The following ANK1 variants were observed in gnomAD, a reference collection of about 807,000 sequenced individuals.
ANK1 encodes ankyrin 1.
A neutral mutation model predicts 210.4 loss-of-function variants in ANK1; 51 were observed. The ratio of observed to expected loss-of-function variants is 0.24; its 90% confidence interval spans 0.19 to 0.31. The LOEUF (loss-of-function observed/expected upper bound fraction) is 0.31, where lower values mean the gene tolerates loss of function less well. Among genes scored for constraint, ANK1 ranks in the 10% least tolerant of loss-of-function variants. ANK1 has a pLI of 1.00. For synonymous variants in ANK1, 967 were observed against 1,025.9 expected (o/e 0.94, Z 1.10); for missense variants, 2,051 against 2,504.4 (o/e 0.82, Z 3.86).
At chr8:41,841,829 A>G (rs1808962557) in intron 1 of ANK1, among the ~76,000 whole-genome samples, 1 of 152,218 alleles carries the variant, frequency 6.6e-6, no homozygotes, top group South Asian at 2.1e-4. Flanking sequence ...ACCCGGAGAC[A>G]TGGTCCTAAC....
chr8:41,730,251 C>T (rs548757576), intron 3 of ANK1, among the ~76,000 whole-genome samples: 6 of 152,120 alleles, frequency 3.9e-5, no homozygotes, highest in East Asian at 3.9e-4. Flanking sequence ...CCCATGAGGC[C>T]GCCCTGGGGG....
At chr8:41,810,746 C>T (rs1291303381) in intron 1 of ANK1, among the ~76,000 whole-genome samples, 1 of 152,200 alleles carries the variant, frequency 6.6e-6, no homozygotes, top group East Asian at 1.9e-4. Context: ...CAGGCACTGC[C>T]CCAAAGTAAG....
intron 1 of ANK1, among the ~76,000 whole-genome samples, chr8:41,861,185 A>G (rs1380390754): frequency 6.6e-6 from 1 of 152,174 alleles, no homozygotes; most frequent in African/African-American, 2.4e-5. Flanking sequence ...AAGGAGAGCA[A>G]CACTAGGCAC....
rs988814172 is a variant in ANK1, at chr8:41,725,830, G to A, written c.543C>T (p.Ala181=). Residue 181 remains alanine (A), a synonymous_variant, in exon 6 of 43, where the codon GCC becomes GCT. Coordinates refer to ENST00000289734, the MANE Select transcript of ANK1 (RefSeq NM_000037.4). ...CAGCCGTGCGCGTGTCGTCGTTGCG[G>A]GCCGCGATGTGCAGGGCCGGGAGGC... ...KVRLPALHIA[A]RNDDTRTAAV... The A allele has an allele frequency of 6.2e-7, 1 of 1,611,960 alleles. No homozygotes were observed. The highest frequency in any genetic ancestry group is 8.5e-7 in the Non-Finnish European group (1 of 1,179,700).
intron 39 of ANK1, chr8:41,665,075 C>G (rs952398779): frequency 6.3e-7 from 1 of 1,597,038 alleles, no homozygotes; most frequent in Non-Finnish European, 8.5e-7. Flanking sequence ...CCGGCCACCA[C>G]GGGGGGCCTG....
chr8:41,802,075 C>T (rs543535478), upstream of ANK1, among the ~76,000 whole-genome samples: 4 of 152,236 alleles, frequency 2.6e-5, no homozygotes, highest in East Asian at 1.9e-4. Flanking sequence ...CTGCAACCTC[C>T]GCCTCCCGGG....
chr8:41,838,234 T>C (rs1265044766), intron 1 of ANK1, among the ~76,000 whole-genome samples: 1 of 151,908 alleles, frequency 6.6e-6, no homozygotes, highest in Non-Finnish European at 1.5e-5. Flanking sequence ...CACAGAAAGG[T>C]TTGGTGAATT....
At chr8:41,656,673 A>G (rs1805822856) in intron 42 of ANK1, among the ~76,000 whole-genome samples, 1 of 152,172 alleles carries the variant, frequency 6.6e-6, no homozygotes, top group East Asian at 1.9e-4. Context: ...GGAGGTGACA[A>G]TCTCTTGGGC....
chr8:41,802,650 A>T (rs1850061929), intron 1 of ANK1, among the ~76,000 whole-genome samples: 1 of 152,112 alleles, frequency 6.6e-6, no homozygotes, highest in South Asian at 2.1e-4. Context: ...TCCTCTAGAA[A>T]AGCATCATAA....
chr8:41,664,932 C>T (rs1362501301), intron 39 of ANK1: 3 of 1,614,240 alleles, frequency 1.9e-6, no homozygotes, highest in Non-Finnish European at 2.5e-6. Context: ...GCACAGGGAC[C>T]CCCTGACAAT....
Position 41,683,663 on chromosome 8 carries a change from A to G in ANK1, c.4537+881T>C, listed in dbSNP as rs533921294. On this transcript the variant is annotated intron_variant, in intron 37 of 42. Transcript: ENST00000289734. Reference sequence around the variant, plus strand: ...GTCTGTAAGGAATTTTAGGGATCCAATCCAACTTGCTGATTTTACAGAAGG... The same window carrying G: ...GTCTGTAAGGAATTTTAGGGATCCAGTCCAACTTGCTGATTTTACAGAAGG... Among the ~76,000 whole-genome samples the G allele has an allele frequency of 3.3e-5, 5 of 152,316 alleles. 1 individual carries two copies. Among genetic ancestry groups the G allele is most frequent in the Admixed American group, 1.3e-4 (2 of 15,300 alleles).
intron 1 of ANK1, among the ~76,000 whole-genome samples, chr8:41,878,371 G>A (rs1397431949): frequency 2.0e-5 from 3 of 152,190 alleles, no homozygotes; most frequent in African/African-American, 7.2e-5. Flanking sequence ...ACTAAGTCCA[G>A]AGGCAAAGGT....
intron 1 of ANK1, among the ~76,000 whole-genome samples, chr8:41,772,807 C>T (rs1843203905): frequency 5.3e-5 from 8 of 152,158 alleles, no homozygotes; most frequent in Admixed American, 5.2e-4. Context: ...CCATCCTCAC[C>T]CACCCAAGGA....
intron 1 of ANK1, among the ~76,000 whole-genome samples, chr8:41,895,828 C>G (rs1036762160): frequency 5.3e-5 from 8 of 152,188 alleles, no homozygotes. Context: ...GAGCCCGACT[C>G]TCGTTCAGAG....
chr8:41,892,387 G>A lies in ANK1; in HGVS notation c.126+3968C>T, dbSNP rs1470589751. 2.0e-5 allele frequency among the ~76,000 whole-genome samples: 3 copies of A among 152,332 alleles called. No homozygotes were observed. In the East Asian group the frequency reaches 5.8e-4, roughly 29 times the overall value. On this transcript the variant is annotated intron_variant, in intron 1 of 42. Coordinates refer to the ANK1 transcript ENST00000265709. The stretch of plus-strand genomic sequence containing the variant: ...ATAGACTGGAAAGACTGACGGAGCT[G>A]CCTGCACAGCTAAGTGGCAGAGGCC...
At chr8:41,802,312 A>C (rs903120316), upstream of ANK1, among the ~76,000 whole-genome samples, 5 of 152,152 alleles carry the variant, frequency 3.3e-5, no homozygotes, top group African/African-American at 1.2e-4. Context: ...TCTCATATTT[A>C]GGTCTTTAAA....
chr8:41,734,042 A>C lies in ANK1; in HGVS notation c.157T>G (p.Ser53Ala), dbSNP rs772504372. 2 of 1,614,252 alleles carry C rather than the reference A, an allele frequency of 1.2e-6. No individual in the cohort carries two copies. Among genetic ancestry groups the C allele is most frequent in the East Asian group, 4.5e-5 (2 of 44,896 alleles). Residue 53 changes from serine to alanine, a missense_variant, in exon 3 of 43, where the codon TCT becomes GCT. Coordinates refer to ENST00000289734, the MANE Select transcript of ANK1 (RefSeq NM_000037.4). ...QNGLNGLHLA[S>A]KEGHVKMVVE... ...ACCATTTTCACATGGCCTTCCTTAG[A>C]AGCCAGATGCAAGCCATTCAACCCA...
At position 41,878,088 on chromosome 8, in the gene ANK1, G is replaced by A. The variant is rs137992588; in HGVS notation, c.126+18267C>T. Among the ~76,000 whole-genome samples the A allele has an allele frequency of 3.0e-4, 45 of 152,308 alleles. No individual in the cohort carries two copies. In the East Asian group the frequency reaches 3.9e-3, roughly 13 times the overall value. On this transcript the variant is annotated intron_variant, in intron 1 of 42. Transcript: ENST00000265709. ...TCTGGAAGGCGGCAGAGTCCACAGCGGTACCAGACACCCACTCTTCTCAAA... is the reference window on the plus strand; with the variant it reads ...TCTGGAAGGCGGCAGAGTCCACAGCAGTACCAGACACCCACTCTTCTCAAA...
chr8:41,847,750 C>T (rs1031231417), intron 1 of ANK1, among the ~76,000 whole-genome samples: 17 of 152,170 alleles, frequency 1.1e-4, no homozygotes, highest in African/African-American at 3.6e-4. Context: ...ATCCCAGATT[C>T]CCCACATACG....
Sources: gnomAD v4.1 joint callset for allele counts (sites outside exome capture counted in the v4.1 genomes callset) on GRCh38, gnomAD v4.1.1 for gene constraint, MANE v1.5 for transcripts, NCBI Gene and HGNC (gene_info 2026-07-23, HGNC 2026-07-21) for gene names.